The following GNPAT variants were observed in gnomAD, a reference collection of about 807,000 sequenced individuals.
The protein encoded by GNPAT is glyceronephosphate O-acyltransferase.
Under a neutral mutation model 78.4 loss-of-function variants are expected in GNPAT, and 30 were observed. The observed-to-expected ratio is 0.38, with a 90% CI of 0.29 to 0.52. The LOEUF (loss-of-function observed/expected upper bound fraction) is 0.52, where lower values mean the gene tolerates loss of function less well. GNPAT is among the 20% of genes least tolerant of loss of function. The pLI is 0.84. For missense variants in GNPAT, 714 were observed against 812.2 expected (o/e 0.88, Z 1.47); for synonymous variants, 271 against 281.1 (o/e 0.96, Z 0.36).
At chr1:231,268,774 C>A (rs13375427) in intron 9 of GNPAT, among the ~76,000 whole-genome samples, 1 of 150,882 alleles carries the variant, frequency 6.6e-6, no homozygotes, top group East Asian at 2.0e-4. Context: ...GGCATGGTGG[C>A]GTGCACCTGT....
chr1:231,242,776 C>T (rs1369204216), intron 1 of GNPAT, among the ~76,000 whole-genome samples: 1 of 152,128 alleles, frequency 6.6e-6, no homozygotes, highest in Admixed American at 6.5e-5. Context: ...GTTTTACTTC[C>T]CCTTTACCAA....
At chr1:231,268,609 C>CA (rs376264408) in intron 9 of GNPAT, among the ~76,000 whole-genome samples, 61,391 of 108,372 alleles carry the variant, frequency 0.57, 15,071 homozygotes, top group South Asian at 0.62. Context: ...ACCCCATCTC[C>CA]AAAAAAAAAA....
Position 231,241,450 on chromosome 1 carries a change from C to G in GNPAT, c.72C>G (p.Leu24=), listed in dbSNP as rs374890728. The G allele has an allele frequency of 6.2e-7, 1 of 1,611,134 alleles. No homozygotes were observed. Among genetic ancestry groups the G allele is most frequent in the Non-Finnish European group, 8.5e-7 (1 of 1,177,330 alleles). The change falls in exon 1 of 16, where the codon CTC becomes CTG. Residue 24 remains leucine, a synonymous_variant. Coordinates refer to ENST00000366647, the MANE Select transcript of GNPAT (RefSeq NM_014236.4). The stretch of plus-strand genomic sequence containing the variant: ...CCAGTCCCAGCGCTGTCGTGCTCCT[C>G]TACTCGGTAGGCGCCCAGGGAAAAG... ...GPTSPSAVVL[L]YSKELKKWDE... is the part of the protein sequence containing the mutation.
intron 2 of GNPAT, among the ~76,000 whole-genome samples, chr1:231,257,872 C>A (rs538126203): frequency 6.6e-6 from 1 of 152,304 alleles, no homozygotes; most frequent in South Asian, 2.1e-4. Context: ...TTACTGCCTT[C>A]CATCCCTAAG....
At position 231,261,635 on chromosome 1, in the gene GNPAT, A is replaced by G. The variant is rs1436553423; in HGVS notation, c.438+952A>G. On this transcript the variant is annotated intron_variant, in intron 3 of 15. Coordinates refer to ENST00000366647, the MANE Select transcript of GNPAT (RefSeq NM_014236.4). Reference sequence around the variant, plus strand: ...GTGAAAAGACTCTTTGAAAATGGCTAAATACCCTGTTTTGCATCATACTTT... The same window carrying G: ...GTGAAAAGACTCTTTGAAAATGGCTGAATACCCTGTTTTGCATCATACTTT... Among the ~76,000 whole-genome samples, 3 of 152,108 alleles carry G rather than the reference A, an allele frequency of 2.0e-5. No homozygotes were observed. The East Asian group carries it at 5.8e-4, about 29-fold the overall frequency.
intron 15 of GNPAT, among the ~76,000 whole-genome samples, chr1:231,277,062 C>T (rs1031723884): frequency 1.3e-5 from 2 of 152,076 alleles, no homozygotes; most frequent in African/African-American, 4.8e-5. Context: ...TGTTGCATAT[C>T]GGGAAGGCGG....
At chr1:231,250,432 G>A (rs944971263) in intron 1 of GNPAT, among the ~76,000 whole-genome samples, 4 of 150,454 alleles carry the variant, frequency 2.7e-5, no homozygotes, top group Admixed American at 1.3e-4. Context: ...CTCTTGTCTC[G>A]AAAAGAAGAA....
chr1:231,249,036 AT>A (rs1444981689), intron 1 of GNPAT, among the ~76,000 whole-genome samples: 1 of 152,248 alleles, frequency 6.6e-6, no homozygotes, highest in Non-Finnish European at 1.5e-5. Flanking sequence ...GTATACATAT[AT>A]CCCCAGCTGA....
chr1:231,277,486 T>C lies in GNPAT; in HGVS notation c.2000-13T>C. On this transcript the variant is annotated splice_polypyrimidine_tract_variant and intron_variant, in intron 15 of 15. Transcript: ENST00000366647. ...GCATCATTTCATGAGCTGCTTCTCTTTTTTCATCTTAGGTTGTAAGACACC... is the reference window on the plus strand; with the variant it reads ...GCATCATTTCATGAGCTGCTTCTCTCTTTTCATCTTAGGTTGTAAGACACC... 2 of 1,560,544 alleles carry C rather than the reference T, an allele frequency of 1.3e-6. No individual in the cohort carries two copies. The highest frequency in any genetic ancestry group is 1.1e-5 in the South Asian group (1 of 90,000).
In GNPAT at chr1:231,275,586, G is replaced by C. The variant is rs545319302; in HGVS notation, c.1937+88G>C. 3.7e-6 allele frequency: 3 copies of C among 806,040 alleles called. No homozygotes were observed. The African/African-American group carries it at 5.1e-5, about 14-fold the overall frequency. The allele number at this position is 806,040 out of a possible 1,614,324, so 49.9% of individuals were successfully genotyped here. A position where few individuals can be genotyped will look rare whatever the true frequency, so the allele number is the denominator to read the frequency against. The stretch of plus-strand genomic sequence containing the variant: ...CAAAATCCAGAGAGACATAGAAATG[G>C]ATGATCTAGGAAATGCTATATTCTA... On this transcript the variant is annotated intron_variant, in intron 14 of 15. Coordinates refer to ENST00000366647, the MANE Select transcript of GNPAT (RefSeq NM_014236.4).
intron 2 of GNPAT, among the ~76,000 whole-genome samples, chr1:231,256,389 G>A (rs569451744): frequency 6.6e-6 from 1 of 150,400 alleles, no homozygotes; most frequent in Admixed American, 6.6e-5. Context: ...TCCATGCACT[G>A]GTTGACCAAA....
intron 5 of GNPAT, 132 bp from the exon 6 acceptor site, chr1:231,265,580 G>C: frequency 6.7e-6 from 6 of 892,690 alleles, no homozygotes; most frequent in Non-Finnish European, 1.1e-5. Context: ...TGACTCTCTT[G>C]TTTAATTTTC....
At chr1:231,266,877 CAG>C (rs1685404317) in intron 8 of GNPAT, among the ~76,000 whole-genome samples, 1 of 152,132 alleles carries the variant, frequency 6.6e-6, no homozygotes, top group Non-Finnish European at 1.5e-5. Context: ...ATAAAGAACA[CAG>C]ATACACATTT....
At chr1:231,253,061 C>T (rs1227860310) in intron 2 of GNPAT, among the ~76,000 whole-genome samples, 6 of 152,152 alleles carry the variant, frequency 3.9e-5, no homozygotes, top group African/African-American at 1.4e-4. Flanking sequence ...CTCCGCCTCC[C>T]GGGTTCATGC....
rs530052122 is a variant in GNPAT, at chr1:231,253,975, G to T, written c.261+2832G>T. On this transcript the variant is annotated intron_variant, in intron 2 of 15. Coordinates refer to ENST00000366647, the MANE Select transcript of GNPAT (RefSeq NM_014236.4). The stretch of plus-strand genomic sequence containing the variant: ...TTACAGGCGCCTGCCACCACACCCG[G>T]CTAATTTTTGTATTTTTAGTAGAGA... 4.6e-5 allele frequency among the ~76,000 whole-genome samples: 7 copies of T among 152,266 alleles called. No individual in the cohort carries two copies. The East Asian group carries it at 1.3e-3, about 29-fold the overall frequency.
chr1:231,258,251 C>A (rs1039573019), intron 2 of GNPAT: 3 of 152,290 alleles, frequency 2.0e-5, no homozygotes. Context: ...AGCCTGGAAT[C>A]TGCCAACTCA....
chr1:231,273,344 C>T (rs191380706), intron 11 of GNPAT, among the ~76,000 whole-genome samples: 50 of 151,176 alleles, frequency 3.3e-4, no homozygotes, highest in South Asian at 1.1e-3. Flanking sequence ...CTCTGCCTCC[C>T]GGGTTCACTC....
intron 8 of GNPAT, 75 bp from the exon 9 acceptor site, chr1:231,267,605 G>A (rs1685427398): frequency 5.7e-6 from 5 of 881,160 alleles, no homozygotes; most frequent in South Asian, 2.6e-5. Flanking sequence ...CTTCTAAAAC[G>A]TCTAGAGTCT....
At chr1:231,252,551 C>G (rs1684927232) in intron 2 of GNPAT, among the ~76,000 whole-genome samples, 1 of 152,156 alleles carries the variant, frequency 6.6e-6, no homozygotes, top group Non-Finnish European at 1.5e-5. Context: ...CTTGGTCCCG[C>G]CCAGATCCTC....
Sources: allele counts gnomAD v4.1 joint callset (sites outside exome capture counted in the v4.1 genomes callset), GRCh38; gene constraint gnomAD v4.1.1; transcripts MANE v1.5; gene names NCBI Gene and HGNC (gene_info 2026-07-23, HGNC 2026-07-21).